The following TGFBR1 variants were observed in gnomAD, a reference collection of about 807,000 sequenced individuals.
TGFBR1 encodes the protein transforming growth factor beta receptor 1, also known as TGF-beta receptor type-1.
In TGFBR1, 20 loss-of-function variants were observed where a neutral mutation model predicts 55.1. The ratio of observed to expected loss-of-function variants is 0.36; its 90% CI spans 0.26 to 0.53. The LOEUF (loss-of-function observed/expected upper bound fraction) is 0.53. Among genes scored for constraint, TGFBR1 ranks in the 20% least tolerant of loss-of-function variants. TGFBR1 has a pLI of 0.91. For missense variants in TGFBR1, 385 were observed against 617.6 expected, an observed-to-expected ratio of 0.62 and a Z score of 3.99; for synonymous variants, 220 against 214.8, an observed-to-expected ratio of 1.02 and a Z score of -0.21.
At chr9:99,145,452 C>T (rs1827763225) in intron 6 of TGFBR1, among the ~76,000 whole-genome samples, 1 of 152,112 alleles carries the variant, frequency 6.6e-6, no homozygotes, top group Non-Finnish European at 1.5e-5. Context: ...GGCACTTATG[C>T]GTTATGTTGT....
At chr9:99,124,406 A>T (rs1340767283) in intron 1 of TGFBR1, among the ~76,000 whole-genome samples, 1 of 152,094 alleles carries the variant, frequency 6.6e-6, no homozygotes, top group Non-Finnish European at 1.5e-5. Flanking sequence ...TGTGTTGCAG[A>T]GTGAGGAGAA....
intron 3 of TGFBR1, among the ~76,000 whole-genome samples, chr9:99,134,011 A>AG: frequency 6.6e-6 from 1 of 152,148 alleles, no homozygotes; most frequent in East Asian, 1.9e-4. Flanking sequence ...AAAAAAAAAA[A>AG]AAAAAATTTT....
intron 1 of TGFBR1, among the ~76,000 whole-genome samples, chr9:99,108,326 G>A (rs1826473254): frequency 1.3e-5 from 2 of 152,320 alleles, no homozygotes; most frequent in Admixed American, 1.3e-4. Context: ...AAGATCACAT[G>A]AGAAAGTGGT....
intron 3 of TGFBR1, among the ~76,000 whole-genome samples, chr9:99,137,443 C>T (rs933409817): frequency 6.6e-6 from 1 of 152,160 alleles, no homozygotes; most frequent in Non-Finnish European, 1.5e-5. Context: ...ATTCAGTACT[C>T]TTCATCTTCT....
chr9:99,131,835 G>T (rs1339391876), intron 2 of TGFBR1, among the ~76,000 whole-genome samples: 2 of 152,034 alleles, frequency 1.3e-5, no homozygotes, highest in African/African-American at 4.8e-5. Flanking sequence ...AGGTGTGGTG[G>T]CACATGCCTG....
intron 1 of TGFBR1, among the ~76,000 whole-genome samples, chr9:99,114,262 G>A (rs1360086081): frequency 6.6e-6 from 1 of 152,140 alleles, no homozygotes; most frequent in Non-Finnish European, 1.5e-5. Context: ...GAAAGAAAAA[G>A]AGAACAATTA....
chr9:99,148,394 G>A (rs568932487), intron 8 of TGFBR1, among the ~76,000 whole-genome samples: 3 of 152,204 alleles, frequency 2.0e-5, no homozygotes, highest in South Asian at 2.1e-4. Flanking sequence ...TTAAAGATTC[G>A]TAAGATGAAT....
At chr9:99,128,126 G>A (rs1179661767) in intron 1 of TGFBR1, 4 of 395,882 alleles carry the variant, frequency 1.0e-5, no homozygotes, top group East Asian at 1.4e-4. Context: ...CACTCCTGGG[G>A]TTGAGCCATA....
In TGFBR1 at chr9:99,149,907, C is replaced by G. The variant is rs1455669280; in HGVS notation, c.*602C>G. The stretch of plus-strand genomic sequence containing the variant: ...TACTATTATTGTTCTTTCACTTATT[C>G]AGAACATTACATGCCTTCAAAATGG... On this transcript the variant is annotated 3_prime_UTR_variant, in exon 9 of 9. Transcript: ENST00000374994. 5.0e-6 allele frequency: 1 copy of G among 201,496 alleles called. No homozygotes were observed. The highest frequency in any genetic ancestry group is 5.9e-5 in the Admixed American group (1 of 16,944). The allele number at this position is 201,496 out of a possible 1,614,324, so 12.5% of individuals were successfully genotyped here.
chr9:99,147,622 A>G lies in TGFBR1; in HGVS notation c.1256-32A>G. 3 of 1,601,940 alleles carry G rather than the reference A, an allele frequency of 1.9e-6. No homozygotes were observed. The African/African-American group carries it at 4.0e-5, about 21-fold the overall frequency. On this transcript the variant is annotated intron_variant, in intron 7 of 8. Transcript: ENST00000374994. Reference sequence around the variant, plus strand: ...GCCTTGGCATTAGCTGAATAAATTCATCAAAATTTAATTTTTTTTAAACTG... The same window carrying G: ...GCCTTGGCATTAGCTGAATAAATTCGTCAAAATTTAATTTTTTTTAAACTG...
intron 1 of TGFBR1, among the ~76,000 whole-genome samples, chr9:99,108,658 A>G (rs959284258): frequency 9.2e-5 from 14 of 152,164 alleles, no homozygotes; most frequent in African/African-American, 2.9e-4. Flanking sequence ...TGTGTCCCCA[A>G]CTGTCCTGGG....
intron 6 of TGFBR1, chr9:99,146,045 G>A: frequency 3.8e-6 from 1 of 261,796 alleles, no homozygotes; most frequent in Non-Finnish European, 7.4e-6. Flanking sequence ...CCATAATTTT[G>A]GTAGGTTTTT....
At chr9:99,110,083 A>G (rs1285206859) in intron 1 of TGFBR1, among the ~76,000 whole-genome samples, 11 of 152,182 alleles carry the variant, frequency 7.2e-5, no homozygotes, top group Admixed American at 7.2e-4. Context: ...TTCATCATGA[A>G]GAAAATTGGT....
In TGFBR1 at chr9:99,105,291, C is replaced by T; in HGVS notation, c.86C>T (p.Pro29Leu). Residue 29 changes from proline to leucine, a missense_variant, in exon 1 of 9, where the codon CCG becomes CTG. Transcript: ENST00000374994. ...AAAAAAAALL[P>L]GATALQCFCH... Reference sequence around the variant, plus strand: ...GCGGCGGCGGCGGCGGCGCTGCTCCCGGGGGCGACGGGTGAGCGGCGGCGC... The same window carrying T: ...GCGGCGGCGGCGGCGGCGCTGCTCCTGGGGGCGACGGGTGAGCGGCGGCGC... The T allele has an allele frequency of 1.0e-6, 1 of 991,544 alleles. No homozygotes were observed. Among genetic ancestry groups the T allele is most frequent in the African/African-American group, 1.8e-5 (1 of 56,632 alleles). The allele number at this position is 991,544 out of a possible 1,614,324, so 61.4% of individuals were successfully genotyped here.
chr9:99,133,396 T>C (rs1827311050), intron 3 of TGFBR1, among the ~76,000 whole-genome samples: 1 of 152,224 alleles, frequency 6.6e-6, no homozygotes, highest in Non-Finnish European at 1.5e-5. Context: ...GATGAGCTAA[T>C]TGTCAGAGTC....
intron 2 of TGFBR1, 115 bp downstream of exon 2, chr9:99,129,215 G>T: frequency 8.5e-7 from 1 of 1,173,992 alleles, no homozygotes. Flanking sequence ...TCCGTTTAGA[G>T]GCAAGAAGTG....
intron 1 of TGFBR1, among the ~76,000 whole-genome samples, chr9:99,112,310 C>G (rs192950827): frequency 2.6e-5 from 4 of 152,252 alleles, no homozygotes; most frequent in Admixed American, 2.0e-4. Context: ...GTGTGCTCTT[C>G]CCTCACATAC....
chr9:99,150,248 CTAAG>C lies in TGFBR1; in HGVS notation c.*946_*949del, dbSNP rs1002888749. 1.1e-4 allele frequency: 22 copies of C among 193,190 alleles called. No homozygotes were observed. The highest frequency in any genetic ancestry group is 5.1e-4 in the African/African-American group (22 of 43,090). 12.0% of individuals were successfully genotyped at this position (193,190 alleles called of 1,614,324 possible). A position where few individuals can be genotyped will look rare whatever the true frequency, so the allele number is the denominator to read the frequency against. ...AGCTTTTGCATTTTAATTGTGTTGT[CTAAG>C]TATACTTTTAAAAAATCAAGTGGCA... On this transcript the variant is annotated 3_prime_UTR_variant, in exon 9 of 9. Transcript: ENST00000374994.
chr9:99,114,111 C>G (rs527779003), intron 1 of TGFBR1, among the ~76,000 whole-genome samples: 7 of 152,030 alleles, frequency 4.6e-5, no homozygotes, highest in Non-Finnish European at 2.9e-5. Context: ...CTGTATTATA[C>G]GAGAAAAGTT....
Sources: allele counts gnomAD v4.1 joint callset (sites outside exome capture counted in the v4.1 genomes callset), GRCh38; gene constraint gnomAD v4.1.1; transcripts MANE v1.5; gene names NCBI Gene and HGNC (gene_info 2026-07-23, HGNC 2026-07-21).